WWC2: variants seen among roughly 807,000 people sequenced by gnomAD.
WWC2 encodes the protein protein WWC2.
Under a neutral mutation model 138.5 loss-of-function variants are expected in WWC2, and 101 were observed. The ratio of observed to expected loss-of-function variants is 0.73; its 90% CI spans 0.62 to 0.86. WWC2 has a LOEUF of 0.86. Ranked by LOEUF, WWC2 falls within the 40% of genes least tolerant of loss-of-function variation. The probability of loss-of-function intolerance (pLI) is 0.00; values close to 1 mark genes in which losing one functional copy is unlikely to be tolerated. For missense variants in WWC2, 1,420 were observed against 1,419.4 expected, an observed-to-expected ratio of 1.00 and a Z score of -0.01; for synonymous variants, 558 against 538.4, an observed-to-expected ratio of 1.04 and a Z score of -0.50.
intron 1 of WWC2, among the ~76,000 whole-genome samples, chr4:183,187,953 A>T (rs184539959): frequency 3.3e-5 from 5 of 152,334 alleles, no homozygotes; most frequent in African/African-American, 1.2e-4. Flanking sequence ...GCTAAATGAG[A>T]TAACATATGA....
intron 1 of WWC2, among the ~76,000 whole-genome samples, chr4:183,162,996 C>T (rs1734004775): frequency 6.6e-6 from 1 of 152,092 alleles, no homozygotes; most frequent in Admixed American, 6.6e-5. Flanking sequence ...AAGGAAGGAG[C>T]CCTTTTACAT....
At chr4:183,111,129 C>T (rs1013378219) in intron 1 of WWC2, among the ~76,000 whole-genome samples, 1 of 151,972 alleles carries the variant, frequency 6.6e-6, no homozygotes, top group African/African-American at 2.4e-5. Context: ...AGTCCCAGCT[C>T]TTCGGGAGGC....
intron 21 of WWC2, among the ~76,000 whole-genome samples, chr4:183,296,148 T>C (rs1012145478): frequency 1.3e-5 from 2 of 152,214 alleles, no homozygotes; most frequent in East Asian, 3.8e-4. Context: ...CATAGCTGGG[T>C]GAGGGTTTTG....
At chr4:183,250,152 C>G (rs1736932380) in intron 8 of WWC2, among the ~76,000 whole-genome samples, 159 bp downstream of exon 8, 1 of 152,112 alleles carries the variant, frequency 6.6e-6, no homozygotes, top group South Asian at 2.1e-4. Flanking sequence ...TCTGGTCTAC[C>G]TTTTCTTCCC....
intron 1 of WWC2, among the ~76,000 whole-genome samples, chr4:183,106,471 G>T (rs1743365596): frequency 6.6e-6 from 1 of 151,670 alleles, no homozygotes; most frequent in South Asian, 2.1e-4. Context: ...CTACACCTTA[G>T]TAGTTTTTAG....
intron 1 of WWC2, among the ~76,000 whole-genome samples, chr4:183,114,803 G>A (rs557101722): frequency 2.0e-5 from 3 of 151,968 alleles, no homozygotes; most frequent in Admixed American, 6.6e-5. Context: ...ATAGTACCCC[G>A]TAGGTTGTTT....
chr4:183,269,574 C>T, intron 15 of WWC2: 1 of 463,954 alleles, frequency 2.2e-6, no homozygotes, highest in South Asian at 1.6e-5. Flanking sequence ...TGATTATCCA[C>T]TATTTTCAGA....
chr4:183,163,691 A>T lies in WWC2; in HGVS notation c.132-29908A>T, dbSNP rs185923866. Among the ~76,000 whole-genome samples the T allele has an allele frequency of 3.3e-5, 5 of 152,242 alleles. No homozygotes were observed. The East Asian group carries it at 9.6e-4, about 29-fold the overall frequency. Reference sequence around the variant, plus strand: ...GTCATTGCTAAATTACTTTGGAAGTACCCTTTGTCTTGATTGTGTTACTGT... The same window carrying T: ...GTCATTGCTAAATTACTTTGGAAGTTCCCTTTGTCTTGATTGTGTTACTGT... On this transcript the variant is annotated intron_variant, in intron 1 of 22. Transcript: ENST00000403733.
intron 1 of WWC2, among the ~76,000 whole-genome samples, chr4:183,136,145 GTGTTCTTT>G (rs569001867): frequency 6.6e-6 from 1 of 152,056 alleles, no homozygotes; most frequent in Non-Finnish European, 1.5e-5. Context: ...CTGTAGATAG[GTGTTCTTT>G]TTATGAATTC....
chr4:183,278,780 G>C (rs1482851517), intron 16 of WWC2, among the ~76,000 whole-genome samples: 3 of 151,704 alleles, frequency 2.0e-5, no homozygotes, highest in African/African-American at 7.3e-5. Context: ...CTCTCTGTTT[G>C]TCTGTTGTTG....
intron 2 of WWC2, among the ~76,000 whole-genome samples, chr4:183,196,388 G>A (rs772187826): frequency 6.6e-5 from 10 of 152,180 alleles, no homozygotes; most frequent in East Asian, 1.9e-4. Context: ...GTTCACATAC[G>A]TGACCACACC....
At chr4:183,250,079 G>A (rs1175479674) in intron 8 of WWC2, 86 bp downstream of exon 8, 2 of 1,240,638 alleles carry the variant, frequency 1.6e-6, no homozygotes, top group Non-Finnish European at 1.2e-6. Context: ...CATCTGCTGG[G>A]CACTCCCCAT....
intron 1 of WWC2, among the ~76,000 whole-genome samples, chr4:183,159,392 C>T (rs1253261868): frequency 2.0e-5 from 3 of 152,094 alleles, no homozygotes; most frequent in Non-Finnish European, 4.4e-5. Flanking sequence ...ATTCTTCTCT[C>T]AACAGTTCTT....
Position 183,159,405 on chromosome 4 carries a change from C to CTATT in WWC2, c.132-34180_132-34177dup, listed in dbSNP as rs547133844. Reference sequence around the variant, plus strand: ...AGATTCTTCTCTCAACAGTTCTTATCTATTTATTTATTTATTTGAGACAAG... The same window carrying CTATT: ...AGATTCTTCTCTCAACAGTTCTTATCTATTTATTTATTTATTTATTTGAGACAAG... On this transcript the variant is annotated intron_variant, in intron 1 of 22. Coordinates refer to ENST00000403733, the MANE Select transcript of WWC2 (RefSeq NM_024949.6). 2.8e-4 allele frequency among the ~76,000 whole-genome samples: 43 copies of CTATT among 152,120 alleles called. No individual in the cohort carries two copies. The East Asian group carries it at 6.8e-3, about 24-fold the overall frequency.
At chr4:183,246,524 A>G (rs945978699) in intron 6 of WWC2, among the ~76,000 whole-genome samples, 1 of 152,238 alleles carries the variant, frequency 6.6e-6, no homozygotes, top group Non-Finnish European at 1.5e-5. Flanking sequence ...AGAAAAGACA[A>G]AATAATAATA....
At chr4:183,144,670 C>T (rs1733399430) in intron 1 of WWC2, among the ~76,000 whole-genome samples, 1 of 150,864 alleles carries the variant, frequency 6.6e-6, no homozygotes, top group African/African-American at 2.5e-5. Flanking sequence ...TCCCAAATGC[C>T]ATTACTTATT....
At position 183,099,374 on chromosome 4, in the gene WWC2, C is replaced by G; in HGVS notation, c.-118C>G. ...CCGCCGCGCCCCGCGCCCTGCGCCC[C>G]TCAGCCCCTCGCCGGCGCCCGCGTC... On this transcript the variant is annotated 5_prime_UTR_variant, in exon 1 of 23. Transcript: ENST00000403733. 2.8e-6 allele frequency: 3 copies of G among 1,088,436 alleles called. No homozygotes were observed. Among genetic ancestry groups the G allele is most frequent in the Non-Finnish European group, 3.4e-6 (3 of 879,596 alleles). 67.4% of individuals were successfully genotyped at this position (1,088,436 alleles called of 1,614,324 possible).
In WWC2 at chr4:183,260,780, C is replaced by G. The variant is rs1737297145; in HGVS notation, c.1287-130C>G. On this transcript the variant is annotated intron_variant, in intron 10 of 22. Coordinates refer to ENST00000403733, the MANE Select transcript of WWC2 (RefSeq NM_024949.6). The stretch of plus-strand genomic sequence containing the variant: ...CACGGCCGTAATATAGGGAGTTCCT[C>G]TGTCCCTGGCCATTGATTCCATTCT... 4.0e-6 allele frequency: 5 copies of G among 1,260,806 alleles called. No homozygotes were observed. The Admixed American group carries it at 1.1e-4, about 27-fold the overall frequency. The allele number at this position is 1,260,806 out of a possible 1,614,324, so 78.1% of individuals were successfully genotyped here. A position where few individuals can be genotyped will look rare whatever the true frequency, so the allele number is the denominator to read the frequency against.
At chr4:183,212,184 T>C (rs941648038) in intron 4 of WWC2, among the ~76,000 whole-genome samples, 1 of 152,218 alleles carries the variant, frequency 6.6e-6, no homozygotes, top group African/African-American at 2.4e-5. Flanking sequence ...AATAGATGTA[T>C]GTGTTTGTTT....
Sources: allele counts gnomAD v4.1 joint callset (sites outside exome capture counted in the v4.1 genomes callset), GRCh38; gene constraint gnomAD v4.1.1; transcripts MANE v1.5; gene names NCBI Gene and HGNC (gene_info 2026-07-23, HGNC 2026-07-21).